Variants in SNTA1 observed in about 807,000 individuals in gnomAD.
The protein encoded by SNTA1 is syntrophin alpha 1, also known as alpha-1-syntrophin.
Under a neutral mutation model 47.1 loss-of-function variants are expected in SNTA1, and 31 were observed. The observed-to-expected ratio is 0.66, with a 90% CI of 0.49 to 0.89. The LOEUF (loss-of-function observed/expected upper bound fraction) is 0.89, where lower values mean the gene tolerates loss of function less well. Among genes scored for constraint, SNTA1 ranks in the 40% least tolerant of loss-of-function variants. The pLI, the probability that SNTA1 is intolerant of heterozygous loss-of-function variation, is 0.00. For missense variants in SNTA1, 575 were observed against 693.0 expected (o/e 0.83, Z 1.91); for synonymous variants, 300 against 313.6 (o/e 0.96, Z 0.46).
Position 33,412,406 on chromosome 20 carries a change from G to A in SNTA1, c.930C>T (p.Ala310=). The A allele has an allele frequency of 6.2e-7, 1 of 1,611,198 alleles. No homozygotes were observed. Among genetic ancestry groups the A allele is most frequent in the Non-Finnish European group, 8.5e-7 (1 of 1,179,238 alleles). The change falls in exon 5 of 8, where the codon GCC becomes GCT. Residue 310 remains alanine, a synonymous_variant. Transcript: ENST00000217381. ...LTEQLPSGGT[A]PTLALLTEKE... ...TTTCAGTTAGCAGGGCCAGGGTGGGGGCTGTGCCCCCACTGGGCAGCTGCA... is the reference window on the plus strand; with the variant it reads ...TTTCAGTTAGCAGGGCCAGGGTGGGAGCTGTGCCCCCACTGGGCAGCTGCA...
chr20:33,408,414 C>T lies in SNTA1; in HGVS notation c.*93G>A. On this transcript the variant is annotated 3_prime_UTR_variant, in exon 8 of 8. Transcript: ENST00000217381. ...GGCCCTTGTTCCTCTCCTCTCCCTT[C>T]CCTCAGCCCAGGGGTGAGCAGGCAG... 2 of 907,334 alleles carry T rather than the reference C, an allele frequency of 2.2e-6. No homozygotes were observed. Among genetic ancestry groups the T allele is most frequent in the Non-Finnish European group, 1.8e-6 (1 of 550,838 alleles). 56.2% of individuals were successfully genotyped at this position (907,334 alleles called of 1,614,324 possible). A position where few individuals can be genotyped will look rare whatever the true frequency, so the allele number is the denominator to read the frequency against.
chr20:33,409,641 A>AC (rs1555816636), intron 6 of SNTA1, among the ~76,000 whole-genome samples: 1 of 141,482 alleles, frequency 7.1e-6, no homozygotes, highest in Non-Finnish European at 1.5e-5. Context: ...TTGTATTATT[A>AC]TTTTTTTTTT....
intron 2 of SNTA1, among the ~76,000 whole-genome samples, chr20:33,436,963 C>CAAA (rs1208975922): frequency 1.5e-4 from 8 of 53,160 alleles, no homozygotes; most frequent in African/African-American, 4.4e-4. Flanking sequence ...GACTCCATCT[C>CAAA]AAAAAAAAAA....
intron 2 of SNTA1, among the ~76,000 whole-genome samples, chr20:33,433,118 T>C (rs1022116378): frequency 6.6e-6 from 1 of 151,422 alleles, no homozygotes; most frequent in African/African-American, 2.4e-5. Flanking sequence ...TTCGTAGAGA[T>C]GGAGTTTCAC....
chr20:33,429,667 C>T (rs1012310415), intron 2 of SNTA1, among the ~76,000 whole-genome samples: 2 of 152,048 alleles, frequency 1.3e-5, no homozygotes, highest in Admixed American at 6.6e-5. Context: ...ATTGTAGAGA[C>T]GAGGCCTTGC....
At chr20:33,409,466 CT>C (rs368304914) in intron 6 of SNTA1, among the ~76,000 whole-genome samples, 26 of 147,402 alleles carry the variant, frequency 1.8e-4, no homozygotes, top group African/African-American at 2.0e-4. Flanking sequence ...ACCCAACTTC[CT>C]TTTTTTTTTG....
At chr20:33,408,951 A>C in intron 6 of SNTA1, 63 bp from the exon 7 acceptor site, 1 of 1,443,682 alleles carries the variant, frequency 6.9e-7, no homozygotes, top group Non-Finnish European at 9.7e-7. Context: ...CCCAACCTCC[A>C]ACCCCCACCG....
At chr20:33,443,287 G>A (rs745733265) in intron 1 of SNTA1, 24 bp downstream of exon 1, 14 of 1,494,572 alleles carry the variant, frequency 9.4e-6, no homozygotes, top group Non-Finnish European at 1.2e-5. Context: ...CCACGACCCC[G>A]CGCCCTCGGT....
At chr20:33,425,805 C>T (rs4911125) in intron 2 of SNTA1, among the ~76,000 whole-genome samples, 4,174 of 152,308 alleles carry the variant, frequency 0.027, 263 homozygotes, top group Admixed American at 0.15. Flanking sequence ...GGCACACTGG[C>T]TCCCGCCTGT....
intron 1 of SNTA1, 40 bp downstream of exon 1, chr20:33,443,271 C>A: frequency 6.8e-7 from 1 of 1,464,216 alleles, no homozygotes; most frequent in South Asian, 1.3e-5. Context: ...CGGCTGCCCC[C>A]AGACACCACG....
chr20:33,426,203 G>C (rs1206935528), intron 2 of SNTA1, among the ~76,000 whole-genome samples: 2 of 151,016 alleles, frequency 1.3e-5, no homozygotes, highest in Admixed American at 1.3e-4. Context: ...AATCCCAGCA[G>C]TTTGGGAGGC....
At chr20:33,434,877 A>G (rs1251291105) in intron 2 of SNTA1, among the ~76,000 whole-genome samples, 1 of 150,572 alleles carries the variant, frequency 6.6e-6, no homozygotes, top group African/African-American at 2.4e-5. Context: ...ATCACCTCTG[A>G]TCTAGCCTAA....
At chr20:33,438,309 ATAAAG>A (rs1333661807) in intron 2 of SNTA1, among the ~76,000 whole-genome samples, 2 of 152,066 alleles carry the variant, frequency 1.3e-5, no homozygotes, top group East Asian at 3.9e-4. Context: ...CAAAAAAAAA[ATAAAG>A]TAAAATAAAA....
chr20:33,421,957 C>CAAAA (rs34754645), intron 2 of SNTA1, among the ~76,000 whole-genome samples: 3 of 70,020 alleles, frequency 4.3e-5, no homozygotes, highest in Admixed American at 2.0e-4. Context: ...ACCCTGTCTC[C>CAAAA]AAAAAAAAAA....
intron 2 of SNTA1, among the ~76,000 whole-genome samples, chr20:33,419,164 T>C (rs1989959491): frequency 6.6e-6 from 1 of 151,990 alleles, no homozygotes; most frequent in Non-Finnish European, 1.5e-5. Context: ...AACAAGGATA[T>C]ACCCTCTGTG....
chr20:33,443,412 G>A lies in SNTA1; in HGVS notation c.209C>T (p.Pro70Leu). The change falls in exon 1 of 8, where the codon CCG becomes CTG. Residue 70 changes from proline to leucine, a missense_variant. Transcript: ENST00000217381. ...EPAQLNGAAE[P>L]GAGPPQLPEA... ...TGGCAGCTGCGGGGGCCCGGCGCCC[G>A]GCTCCGCGGCGCCGTTGAGCTGCGC... The A allele has an allele frequency of 7.5e-7, 1 of 1,341,660 alleles. No individual in the cohort carries two copies. The highest frequency in any genetic ancestry group is 9.5e-7 in the Non-Finnish European group (1 of 1,054,304). The allele number at this position is 1,341,660 out of a possible 1,614,324, so 83.1% of individuals were successfully genotyped here.
intron 2 of SNTA1, among the ~76,000 whole-genome samples, chr20:33,427,535 G>T (rs557701434): frequency 6.6e-6 from 1 of 152,262 alleles, no homozygotes; most frequent in South Asian, 2.1e-4. Context: ...GACCAGCAGA[G>T]CCCAGGGGTT....
At chr20:33,413,441 G>A (rs958435810) in intron 3 of SNTA1, among the ~76,000 whole-genome samples, 7 of 152,078 alleles carry the variant, frequency 4.6e-5, no homozygotes, top group African/African-American at 1.7e-4. Flanking sequence ...CACGTATGCA[G>A]ATACACACAA....
chr20:33,431,920 G>T (rs1442325680), intron 2 of SNTA1, among the ~76,000 whole-genome samples: 1 of 152,176 alleles, frequency 6.6e-6, no homozygotes, highest in Non-Finnish European at 1.5e-5. Context: ...GCCAGAACCT[G>T]CCTACAGAGG....
Sources: allele counts gnomAD v4.1 joint callset (sites outside exome capture counted in the v4.1 genomes callset), GRCh38; gene constraint gnomAD v4.1.1; transcripts MANE v1.5; gene names NCBI Gene and HGNC (gene_info 2026-07-23, HGNC 2026-07-21).